Variants in CD58 observed in about 807,000 individuals in gnomAD.
CD58 encodes the protein CD58 molecule, also known as lymphocyte function-associated antigen 3.
A neutral mutation model predicts 27.6 loss-of-function variants in CD58; 14 were observed. The ratio of observed to expected loss-of-function variants is 0.51; its 90% confidence interval spans 0.34 to 0.79. The LOEUF (loss-of-function observed/expected upper bound fraction) is 0.79. CD58 is among the 30% of genes least tolerant of loss of function. The probability of loss-of-function intolerance (pLI) is 0.02; values close to 1 mark genes in which losing one functional copy is unlikely to be tolerated. For synonymous variants in CD58, 117 were observed against 103.8 expected, an observed-to-expected ratio of 1.13 and a Z score of -0.77; for missense variants, 268 against 301.7, an observed-to-expected ratio of 0.89 and a Z score of 0.83.
At chr1:116,535,642 C>T in intron 3 of CD58, among the ~76,000 whole-genome samples, 1 of 99,450 alleles carries the variant, frequency 1.0e-5, no homozygotes, top group Admixed American at 1.1e-4. Context: ...GAGATCGAGA[C>T]CATCCTGGCT....
rs977911527 is a variant in CD58 at position 116,519,639 on chromosome 1, A to T, written c.707-372T>A. On this transcript the variant is annotated intron_variant, in intron 4 of 5. Transcript: ENST00000369489. This position sits in a 1 kb window ranked among gnomAD's most constrained non-coding sequence, Gnocchi z 4.7. ...ATTTTTGGTATCCACATTACAAAGT[A>T]AAAAAAAATGTAAATTTTAATATTT... 7.8e-6 allele frequency among the ~76,000 whole-genome samples: 1 copy of T among 128,648 alleles called. No individual in the cohort carries two copies. The highest frequency in any genetic ancestry group is 1.7e-5 in the Non-Finnish European group (1 of 58,676). 84.4% of individuals were successfully genotyped at this position (128,648 alleles called of 152,430 possible).
chr1:116,549,541 G>GT (rs2101199976), intron 1 of CD58, among the ~76,000 whole-genome samples: 1 of 152,314 alleles, frequency 6.6e-6, no homozygotes, highest in East Asian at 1.9e-4. Context: ...CCATAGAAGA[G>GT]TTTCAAACAG....
At position 116,527,042 on chromosome 1, in the gene CD58, G is replaced by A. The variant is rs1323898234; in HGVS notation, c.629-5059C>T. On this transcript the variant is annotated intron_variant, in intron 3 of 5. Transcript: ENST00000369489. The surrounding 1 kb of genome is among the most constrained non-coding windows in gnomAD (Gnocchi z 4.4). ...TATTAACTTTGTATCCTACAAATGT[G>A]CTATAGTTTTTTATTAGTTCCAGGA... Among the ~76,000 whole-genome samples the A allele has an allele frequency of 1.3e-5, 2 of 152,100 alleles. No homozygotes were observed. The highest frequency in any genetic ancestry group is 1.9e-4 in the East Asian group (1 of 5,198).
chr1:116,542,065 G>T (rs1033458157), intron 2 of CD58, among the ~76,000 whole-genome samples: 1 of 152,214 alleles, frequency 6.6e-6, no homozygotes, highest in African/African-American at 2.4e-5. Flanking sequence ...GATCACCTGA[G>T]GTCAGGAGTT....
At chr1:116,567,800 C>T (rs1181183219) in intron 1 of CD58, among the ~76,000 whole-genome samples, 1 of 152,164 alleles carries the variant, frequency 6.6e-6, no homozygotes, top group African/African-American at 2.4e-5. Context: ...AATGGTGCCT[C>T]TACAATGGAG....
Position 116,570,867 on chromosome 1 carries a change from G to T in CD58, c.70+36C>A. ...GCCTGGGTGCTGCCCAGTACCCGCC[G>T]GCCGGCGCGGGGCCCCTGGGGCAGG... On this transcript the variant is annotated intron_variant, in intron 1 of 5. Transcript: ENST00000369489. The surrounding 1 kb of genome is among the most constrained non-coding windows in gnomAD (Gnocchi z 6.4). The T allele has an allele frequency of 6.6e-7, 1 of 1,518,102 alleles. No individual in the cohort carries two copies. The highest frequency in any genetic ancestry group is 2.6e-5 in the East Asian group (1 of 38,970). The allele number at this position is 1,518,102 out of a possible 1,614,324, so 94.0% of individuals were successfully genotyped here.
At chr1:116,558,427 G>A (rs933502869) in intron 1 of CD58, among the ~76,000 whole-genome samples, 1 of 152,140 alleles carries the variant, frequency 6.6e-6, no homozygotes, top group Non-Finnish European at 1.5e-5. Flanking sequence ...TTCAGTTGAT[G>A]CCTACTTGCA....
At chr1:116,530,501 G>A (rs576567624) in intron 3 of CD58, among the ~76,000 whole-genome samples, 13 of 151,950 alleles carry the variant, frequency 8.6e-5, no homozygotes, top group Non-Finnish European at 1.5e-4. Flanking sequence ...CACCGCACCC[G>A]GCTACCTGTC....
Position 116,538,726 on chromosome 1 carries a change from G to A in CD58, c.365-2498C>T, listed in dbSNP as rs914064796. Among the ~76,000 whole-genome samples the A allele has an allele frequency of 3.3e-5, 5 of 152,236 alleles. No individual in the cohort carries two copies. In the East Asian group the frequency reaches 7.7e-4, roughly 23 times the overall value. On this transcript the variant is annotated intron_variant, in intron 2 of 5. Coordinates refer to ENST00000369489, the MANE Select transcript of CD58 (RefSeq NM_001779.3). This position sits in a 1 kb window ranked among gnomAD's most constrained non-coding sequence, Gnocchi z 4.7. Reference sequence around the variant, plus strand: ...ACAGAGGTGCATCATCAGCCCCAGAGACTGTGTATCTTTGGAGGGCAAAGA... The same window carrying A: ...ACAGAGGTGCATCATCAGCCCCAGAAACTGTGTATCTTTGGAGGGCAAAGA...
At chr1:116,565,925 G>T (rs1202362021) in intron 1 of CD58, among the ~76,000 whole-genome samples, 9 of 152,070 alleles carry the variant, frequency 5.9e-5, no homozygotes, top group Non-Finnish European at 1.0e-4. Flanking sequence ...CACTGCGTTA[G>T]CCAGGATGGT....
At chr1:116,529,805 A>T (rs1657539112) in intron 3 of CD58, among the ~76,000 whole-genome samples, 1 of 152,122 alleles carries the variant, frequency 6.6e-6, no homozygotes, top group Non-Finnish European at 1.5e-5. Flanking sequence ...CTGTCTCTAA[A>T]ATTCTCCTTT....
Position 116,521,912 on chromosome 1 carries a change from T to C in CD58, c.700A>G (p.Met234Val). Reference sequence around the variant, plus strand: ...TTTTAAAAAGCATACATACCATTCATATACAGCACAATACATGTTGTAATT... The same window carrying C: ...TTTTAAAAAGCATACATACCATTCACATACAGCACAATACATGTTGTAATT... ...AVITTCIVLY[M>V]NGILKCDRKP... The change falls in exon 4 of 6, where the codon ATG becomes GTG. Residue 234 changes from methionine (M) to valine (V), a missense_variant. Physicochemically the swap from Met to Val is conservative, Grantham distance 21. Transcript: ENST00000369489. This position sits in a 1 kb window ranked among gnomAD's most constrained non-coding sequence, Gnocchi z 5.6. 1 of 1,523,696 alleles carries C rather than the reference T, an allele frequency of 6.6e-7. No individual in the cohort carries two copies. Among genetic ancestry groups the C allele is most frequent in the African/African-American group, 1.4e-5 (1 of 73,328 alleles). 94.4% of individuals were successfully genotyped at this position (1,523,696 alleles called of 1,614,324 possible). A position where few individuals can be genotyped will look rare whatever the true frequency, so the allele number is the denominator to read the frequency against.
rs145300326 is a variant in CD58 at position 116,536,847 on chromosome 1, C to T, written c.365-619G>A. 3.1e-3 allele frequency among the ~76,000 whole-genome samples: 473 copies of T among 152,312 alleles called. 3 individuals carry two copies. The highest frequency in any genetic ancestry group is 0.01 in the African/African-American group (417 of 41,560). ...AAATCTCTGAAGCCAAAAGAGTCTT[C>T]GCAAGTTGGTAGCAAAATCGTTTAG... On this transcript the variant is annotated intron_variant, in intron 2 of 5. Coordinates refer to ENST00000369489, the MANE Select transcript of CD58 (RefSeq NM_001779.3). This position sits in a 1 kb window ranked among gnomAD's most constrained non-coding sequence, Gnocchi z 5.4.
intron 5 of CD58, chr1:116,518,969 G>A (rs1657171413): frequency 9.9e-7 from 1 of 1,005,514 alleles, no homozygotes; most frequent in South Asian, 1.9e-5. Flanking sequence ...CATATGCGCT[G>A]TCTCTAAGCA....
Position 116,544,575 on chromosome 1 carries a change from A to AT in CD58, c.99dup (p.Tyr34IlefsTer29). 1 of 1,589,312 alleles carries AT rather than the reference A, an allele frequency of 6.3e-7. No individual in the cohort carries two copies. The highest frequency in any genetic ancestry group is 8.6e-7 in the Non-Finnish European group (1 of 1,168,664). The stretch of plus-strand genomic sequence containing the variant: ...GTTACATTCCCATACACAACACCAT[A>AT]TATTTGTTGGGAAAAACAGCTGATG... On this transcript the variant is annotated frameshift_variant, in exon 2 of 6. Transcript: ENST00000369489. LOFTEE classifies it high-confidence loss of function.
rs1319135107 is a variant in CD58, at chr1:116,517,280, A to G, written c.743+1951T>C. On this transcript the variant is annotated intron_variant, in intron 5 of 5. Coordinates refer to ENST00000369489, the MANE Select transcript of CD58 (RefSeq NM_001779.3). The surrounding 1 kb of genome is among the most constrained non-coding windows in gnomAD (Gnocchi z 6.5). ...CTCCCACCTCACCTCATCTCCAGCTACTTGGCTCCTCTCTGCCCAGCCTCC... is the reference window on the plus strand; with the variant it reads ...CTCCCACCTCACCTCATCTCCAGCTGCTTGGCTCCTCTCTGCCCAGCCTCC... 6.6e-6 allele frequency among the ~76,000 whole-genome samples: 1 copy of G among 152,030 alleles called. No individual in the cohort carries two copies.
Position 116,523,862 on chromosome 1 carries a change from G to A in CD58, c.629-1879C>T, listed in dbSNP as rs1179729654. Reference sequence around the variant, plus strand: ...CATTTGATTCTTCTCTTTCTTTATCGTTTTTCAAAATAATGAGTTAGCTCC... The same window carrying A: ...CATTTGATTCTTCTCTTTCTTTATCATTTTTCAAAATAATGAGTTAGCTCC... On this transcript the variant is annotated intron_variant, in intron 3 of 5. Transcript: ENST00000369489. This position sits in a 1 kb window ranked among gnomAD's most constrained non-coding sequence, Gnocchi z 4.4. Among the ~76,000 whole-genome samples the A allele has an allele frequency of 3.3e-5, 5 of 152,200 alleles. No homozygotes were observed. The highest frequency in any genetic ancestry group is 7.2e-5 in the African/African-American group (3 of 41,518).
Position 116,544,597 on chromosome 1 carries a change from G to A in CD58, c.78C>T (p.Ile26=), listed in dbSNP as rs754340222. ...VVCLLHCFGF[I]SCFSQQIYGV... is the part of the protein sequence containing the mutation. ...CATATATTTGTTGGGAAAAACAGCTGATGAAACCTAGGAGAGAAAAAAAAA... is the reference window on the plus strand; with the variant it reads ...CATATATTTGTTGGGAAAAACAGCTAATGAAACCTAGGAGAGAAAAAAAAA... Residue 26 remains isoleucine, a synonymous_variant, in exon 2 of 6, where the codon ATC becomes ATT. Transcript: ENST00000369489. The A allele has an allele frequency of 3.2e-6, 5 of 1,574,170 alleles. No homozygotes were observed. The highest frequency in any genetic ancestry group is 4.3e-6 in the Non-Finnish European group (5 of 1,162,348).
intron 3 of CD58, chr1:116,533,765 T>C: frequency 2.8e-6 from 2 of 717,064 alleles, no homozygotes; most frequent in East Asian, 5.5e-5. Flanking sequence ...TCACCGGTGA[T>C]AAATTCTCTT....
Sources: gnomAD v4.1 joint callset for allele counts (sites outside exome capture counted in the v4.1 genomes callset) on GRCh38, gnomAD v4.1.1 for gene constraint, Gnocchi (gnomAD v3.1) non-coding constraint, MANE v1.5 for transcripts, NCBI Gene and HGNC (gene_info 2026-07-23, HGNC 2026-07-21) for gene names.